The following TXNDC15 variants were observed in gnomAD, a reference collection of about 807,000 sequenced individuals.
The protein encoded by TXNDC15 is thioredoxin domain containing 15, also known as thioredoxin domain-containing protein 15.
TXNDC15 carries 24 observed loss-of-function variants against 35.0 expected under a neutral mutation model. The ratio of observed to expected loss-of-function variants is 0.68; its 90% CI spans 0.50 to 0.96. The LOEUF is 0.96. Ranked by LOEUF, TXNDC15 falls within the 40% of genes least tolerant of loss-of-function variation. The pLI is 0.00. For missense variants in TXNDC15, 385 were observed against 453.3 expected (o/e 0.85, Z 1.37); for synonymous variants, 169 against 174.0 (o/e 0.97, Z 0.23).
chr5:134,880,433 A>G (rs1371433249), intron 1 of TXNDC15, among the ~76,000 whole-genome samples: 1 of 148,246 alleles, frequency 6.7e-6, no homozygotes, highest in Admixed American at 6.7e-5. Context: ...TATTTATTTC[A>G]CTTATTATTT....
At chr5:134,883,053 CTGAGGCG>C (rs1750192502) in intron 1 of TXNDC15, among the ~76,000 whole-genome samples, 1 of 151,836 alleles carries the variant, frequency 6.6e-6, no homozygotes, top group Admixed American at 6.6e-5. Flanking sequence ...ATTTGGGAGG[CTGAGGCG>C]GGCAGATTAC....
At chr5:134,878,736 C>T (rs1159914685) in intron 1 of TXNDC15, among the ~76,000 whole-genome samples, 2 of 152,322 alleles carry the variant, frequency 1.3e-5, no homozygotes, top group East Asian at 1.9e-4. Flanking sequence ...CAGTGGCTCA[C>T]GCCTGTAATC....
In TXNDC15 at chr5:134,899,565, T is replaced by C. The variant is rs1055256796; in HGVS notation, c.963T>C (p.Ser321=). Residue 321 remains serine (S), a synonymous_variant, in exon 5 of 5, where the codon AGT becomes AGC. Coordinates refer to ENST00000358387, the MANE Select transcript of TXNDC15 (RefSeq NM_024715.4). ...IGPLPSTLIK[S]VDWLLVFSLF... is the part of the protein sequence containing the mutation. ...CTCTTCCCAGCACTTTGATAAAAAG[T>C]GTGGACTGGTTGCTTGTATTTTCCT... is the stretch of plus-strand genomic sequence containing the variant. 1 of 1,614,012 alleles carries C rather than the reference T, an allele frequency of 6.2e-7. No homozygotes were observed. The highest frequency in any genetic ancestry group is 1.3e-5 in the African/African-American group (1 of 75,042).
chr5:134,875,770 A>G (rs1750021851), intron 1 of TXNDC15, among the ~76,000 whole-genome samples: 1 of 152,068 alleles, frequency 6.6e-6, no homozygotes, highest in African/African-American at 2.4e-5. Flanking sequence ...CCCGGGTTCA[A>G]GCGATTCTCG....
intron 1 of TXNDC15, among the ~76,000 whole-genome samples, chr5:134,881,070 T>G (rs1045106702): frequency 1.6e-4 from 25 of 151,798 alleles, no homozygotes; most frequent in Non-Finnish European, 3.2e-4. Context: ...CTCCAGTTAC[T>G]GTACATTAGA....
intron 1 of TXNDC15, among the ~76,000 whole-genome samples, chr5:134,884,305 A>G (rs1417027765): frequency 7.1e-4 from 106 of 149,972 alleles, no homozygotes; most frequent in African/African-American, 2.4e-3. Flanking sequence ...CTGGAGTGCA[A>G]TGGCACTATC....
chr5:134,878,214 C>T (rs139032657), intron 1 of TXNDC15, among the ~76,000 whole-genome samples: 48 of 152,302 alleles, frequency 3.2e-4, no homozygotes, highest in African/African-American at 1.1e-3. Flanking sequence ...GCCCAGTGTG[C>T]AGGTTAATTA....
chr5:134,886,617 C>A (rs958551315), intron 1 of TXNDC15, among the ~76,000 whole-genome samples: 1 of 152,212 alleles, frequency 6.6e-6, no homozygotes, highest in Non-Finnish European at 1.5e-5. Context: ...TCTGCACTGC[C>A]GAGCCCATCT....
intron 1 of TXNDC15, among the ~76,000 whole-genome samples, chr5:134,885,963 A>G (rs554351529): frequency 1.3e-5 from 2 of 152,326 alleles, no homozygotes; most frequent in Admixed American, 1.3e-4. Context: ...ACAGAGCTCT[A>G]TGCCCTAGTG....
At chr5:134,887,620 G>C (rs755796957) in intron 1 of TXNDC15, 75 bp from the exon 2 acceptor site, 267 of 1,506,676 alleles carry the variant, frequency 1.8e-4, no homozygotes, top group Non-Finnish European at 2.2e-4. Flanking sequence ...TTTCGTGTTA[G>C]AGGGGAACTG....
At chr5:134,876,425 C>T (rs1444416504) in intron 1 of TXNDC15, among the ~76,000 whole-genome samples, 1 of 152,218 alleles carries the variant, frequency 6.6e-6, no homozygotes. Flanking sequence ...TTTCAAGGTT[C>T]TGTGACTACT....
intron 2 of TXNDC15, among the ~76,000 whole-genome samples, chr5:134,888,384 C>T (rs374082132): frequency 6.6e-6 from 1 of 152,112 alleles, no homozygotes; most frequent in Non-Finnish European, 1.5e-5. Context: ...GTTGATTATG[C>T]TTTTCAGATG....
chr5:134,885,637 G>T (rs1750261188), intron 1 of TXNDC15, among the ~76,000 whole-genome samples: 1 of 152,272 alleles, frequency 6.6e-6, no homozygotes, highest in South Asian at 2.1e-4. Context: ...TGGCTTCTTG[G>T]TCTCCTTGGA....
intron 1 of TXNDC15, among the ~76,000 whole-genome samples, chr5:134,879,938 G>C (rs1189332026): frequency 6.6e-6 from 1 of 151,990 alleles, no homozygotes; most frequent in South Asian, 2.1e-4. Context: ...TGGGATTACC[G>C]GTGCATGCCG....
At chr5:134,887,597 C>T in intron 1 of TXNDC15, 98 bp from the exon 2 acceptor site, 1 of 1,472,184 alleles carries the variant, frequency 6.8e-7, no homozygotes. Flanking sequence ...CTTTTTGTCT[C>T]CAGAGGGGAA....
chr5:134,886,102 A>G (rs1561898841), intron 1 of TXNDC15, among the ~76,000 whole-genome samples: 1 of 151,114 alleles, frequency 6.6e-6, no homozygotes, highest in Non-Finnish European at 1.5e-5. Context: ...GGATATCCCA[A>G]ATACATTGAT....
At chr5:134,889,994 C>T (rs1156996173) in intron 2 of TXNDC15, among the ~76,000 whole-genome samples, 2 of 152,110 alleles carry the variant, frequency 1.3e-5, no homozygotes, top group Non-Finnish European at 2.9e-5. Flanking sequence ...TTGATGGCTG[C>T]TGACTGATCA....
intron 2 of TXNDC15, chr5:134,893,236 A>G: frequency 2.5e-6 from 1 of 402,486 alleles, no homozygotes. Flanking sequence ...AGCGCAGAGG[A>G]AAGTTTAAAA....
In TXNDC15 at chr5:134,901,189, G is replaced by A. The variant is rs1750594393; in HGVS notation, c.*1504G>A. On this transcript the variant is annotated 3_prime_UTR_variant, in exon 5 of 5. Coordinates refer to ENST00000358387, the MANE Select transcript of TXNDC15 (RefSeq NM_024715.4). ...TTACTTTTATACTAATTGTTTCCAG[G>A]GTTTTAGAGTAGTTGAATGTTTATT... 6.6e-6 allele frequency: 1 copy of A among 152,062 alleles called. No homozygotes were observed. The allele number at this position is 152,062 out of a possible 1,614,324, so 9.4% of individuals were successfully genotyped here. A position where few individuals can be genotyped will look rare whatever the true frequency, so the allele number is the denominator to read the frequency against.
Sources: gnomAD v4.1 joint callset for allele counts (sites outside exome capture counted in the v4.1 genomes callset) on GRCh38, gnomAD v4.1.1 for gene constraint, MANE v1.5 for transcripts, NCBI Gene and HGNC (gene_info 2026-07-23, HGNC 2026-07-21) for gene names.